Variants in ZNF610 observed in about 807,000 individuals in gnomAD.
ZNF610 encodes the protein zinc finger protein 610.
ZNF610 carries 14 observed loss-of-function variants against 14.1 expected under a neutral mutation model. The observed-to-expected ratio is 0.99, with a 90% CI of 0.65 to 1.55. The LOEUF (loss-of-function observed/expected upper bound fraction) is 1.55. Among genes scored for constraint, ZNF610 ranks in the 40% most tolerant of loss-of-function variants. The pLI is 0.00. For synonymous variants in ZNF610, 185 were observed against 187.6 expected (o/e 0.99, Z 0.11); for missense variants, 530 against 558.0 (o/e 0.95, Z 0.51).
chr19:52,365,337 T>C (rs1985968158), intron 5 of ZNF610, among the ~76,000 whole-genome samples: 1 of 152,118 alleles, frequency 6.6e-6, no homozygotes, highest in Non-Finnish European at 1.5e-5. Context: ...TGGGATTGTG[T>C]CTCTCCTAGC....
At chr19:52,337,881 A>T (rs1329905997) in intron 1 of ZNF610, among the ~76,000 whole-genome samples, 1 of 152,228 alleles carries the variant, frequency 6.6e-6, no homozygotes, top group Non-Finnish European at 1.5e-5. Context: ...GCCAGAGGGC[A>T]GTGACTTGCC....
chr19:52,345,131 A>G (rs1984876614), intron 1 of ZNF610: 1 of 152,196 alleles, frequency 6.6e-6, no homozygotes, highest in South Asian at 2.1e-4. Context: ...TTTCTGGTAT[A>G]TCTAGGCAGT....
At chr19:52,346,291 A>C (rs1031736249) in intron 1 of ZNF610, among the ~76,000 whole-genome samples, 1 of 150,950 alleles carries the variant, frequency 6.6e-6, no homozygotes, top group African/African-American at 2.5e-5. Flanking sequence ...CAGCCTCCTG[A>C]GTAGCTGGGA....
At chr19:52,334,760 C>T (rs1467491030), upstream of ZNF610, among the ~76,000 whole-genome samples, 1 of 151,822 alleles carries the variant, frequency 6.6e-6, no homozygotes, top group Non-Finnish European at 1.5e-5. Context: ...GAAACCGTGT[C>T]TGTACTAAAA....
At chr19:52,358,549 T>C (rs1281197243) in intron 5 of ZNF610, among the ~76,000 whole-genome samples, 2 of 152,258 alleles carry the variant, frequency 1.3e-5, no homozygotes, top group African/African-American at 2.4e-5. Flanking sequence ...ATTTTAGATA[T>C]ATAAAATCTT....
At chr19:52,332,074 C>T (rs748713634), upstream of ZNF610, among the ~76,000 whole-genome samples, 5 of 152,128 alleles carry the variant, frequency 3.3e-5, no homozygotes, top group Admixed American at 6.6e-5. This position sits in a 1 kb window ranked among gnomAD's most constrained non-coding sequence, Gnocchi z 4.1. Context: ...GACCCCGGGA[C>T]GAGTCTGCCG....
intron 3 of ZNF610, 143 bp from the exon 4 acceptor site, chr19:52,353,539 T>A: frequency 1.1e-6 from 1 of 880,692 alleles, no homozygotes; most frequent in South Asian, 1.7e-5. Context: ...AATGTGAACA[T>A]TTACTAGAGA....
chr19:52,331,169 A>C, the ZNF610 span, among the ~76,000 whole-genome samples: 1 of 152,228 alleles, frequency 6.6e-6, no homozygotes, highest in Non-Finnish European at 1.5e-5. Context: ...CAGGTGATCA[A>C]GGTTGACATC....
intron 5 of ZNF610, among the ~76,000 whole-genome samples, chr19:52,361,707 G>A (rs918779578): frequency 6.6e-6 from 1 of 151,818 alleles, no homozygotes; most frequent in African/African-American, 2.4e-5. Context: ...TGATCCTCCC[G>A]CCTTGCCCTC....
chr19:52,339,464 C>A (rs778698993), intron 1 of ZNF610, among the ~76,000 whole-genome samples: 1 of 146,108 alleles, frequency 6.8e-6, no homozygotes, highest in South Asian at 2.1e-4. Flanking sequence ...CCTGGGTACT[C>A]GAGACTGGAG....
chr19:52,361,738 G>A (rs1372684704), intron 5 of ZNF610, among the ~76,000 whole-genome samples: 1 of 152,048 alleles, frequency 6.6e-6, no homozygotes, highest in African/African-American at 2.4e-5. Context: ...AGGATTACAG[G>A]CGTGAAACAC....
At chr19:52,334,981 T>A (rs1173666336), upstream of ZNF610, among the ~76,000 whole-genome samples, 2 of 47,506 alleles carry the variant, frequency 4.2e-5, no homozygotes, top group Non-Finnish European at 9.3e-5. Flanking sequence ...ATCTATTTTT[T>A]AAAGTTATTG....
chr19:52,356,184 C>T (rs1046897921), intron 5 of ZNF610, among the ~76,000 whole-genome samples: 3 of 152,134 alleles, frequency 2.0e-5, no homozygotes, highest in Admixed American at 6.5e-5. Context: ...TCCACAAGGC[C>T]CCTCAGCCAT....
intron 5 of ZNF610, among the ~76,000 whole-genome samples, chr19:52,365,168 C>T (rs79228742): frequency 0.18 from 26,880 of 150,364 alleles, 2,667 homozygotes; most frequent in East Asian, 0.26. Flanking sequence ...GAATTGCTTG[C>T]GGAGGTTGCA....
At position 52,349,179 on chromosome 19, in the gene ZNF610, T is replaced by C. The variant is rs1568648661; in HGVS notation, c.7T>C (p.Cys3Arg). Residue 3 changes from cysteine to arginine, a missense_variant, in exon 3 of 6, where the codon TGT (cysteine) becomes CGT (arginine). Physicochemically the swap from Cys to Arg is radical, Grantham distance 180. Transcript: ENST00000403906. ...GATTGACTTATAAACAGTCATGCTATGTGATGAAGAAGCCCAGAAGAGGAA... is the reference window on the plus strand; with the variant it reads ...GATTGACTTATAAACAGTCATGCTACGTGATGAAGAAGCCCAGAAGAGGAA... ML[C>R]DEEAQKRKAK... is the part of the protein sequence containing the mutation. The C allele has an allele frequency of 6.2e-7, 1 of 1,613,620 alleles. No individual in the cohort carries two copies. The highest frequency in any genetic ancestry group is 8.5e-7 in the Non-Finnish European group (1 of 1,179,894).
At chr19:52,347,289 G>A (rs919696267) in intron 1 of ZNF610, 5 of 152,124 alleles carry the variant, frequency 3.3e-5, no homozygotes, top group Admixed American at 6.6e-5. Context: ...TGACAAAAAA[G>A]TTTTAATGGG....
intron 1 of ZNF610, among the ~76,000 whole-genome samples, chr19:52,345,859 C>T (rs779207626): frequency 6.6e-6 from 1 of 150,922 alleles, no homozygotes; most frequent in Non-Finnish European, 1.5e-5. Context: ...CGCTCACCAC[C>T]ACGCCCAGCT....
chr19:52,363,682 CTG>C (rs1327056678), intron 5 of ZNF610, among the ~76,000 whole-genome samples: 1 of 152,274 alleles, frequency 6.6e-6, no homozygotes, highest in East Asian at 1.9e-4. Flanking sequence ...ATAGACACCT[CTG>C]TGCTCTGCTG....
At chr19:52,339,988 C>T (rs984896983) in intron 1 of ZNF610, among the ~76,000 whole-genome samples, 55 of 152,184 alleles carry the variant, frequency 3.6e-4, no homozygotes, top group African/African-American at 1.3e-3. Flanking sequence ...TGCATCTAAA[C>T]TGAGGGGCAG....
Sources: gnomAD v4.1 joint callset for allele counts (sites outside exome capture counted in the v4.1 genomes callset) on GRCh38, gnomAD v4.1.1 for gene constraint, Gnocchi (gnomAD v3.1) non-coding constraint, MANE v1.5 for transcripts, NCBI Gene and HGNC (gene_info 2026-07-23, HGNC 2026-07-21) for gene names.